The following TENM2 variants were observed in gnomAD, a reference collection of about 807,000 sequenced individuals.
The protein encoded by TENM2 is teneurin transmembrane protein 2.
In TENM2, 52 loss-of-function variants were observed where a neutral mutation model predicts 245.2. The ratio of observed to expected loss-of-function variants is 0.21; its 90% CI spans 0.17 to 0.27. The LOEUF (loss-of-function observed/expected upper bound fraction) is 0.27. TENM2 is among the 10% of genes least tolerant of loss of function. TENM2 has a pLI of 1.00. For synonymous variants in TENM2, 1,363 were observed against 1,438.9 expected (o/e 0.95, Z 1.19); for missense variants, 3,046 against 3,666.8 (o/e 0.83, Z 4.37).
chr5:167,679,243 ATAAATAG>A (rs1170045960), intron 2 of TENM2, among the ~76,000 whole-genome samples: 1 of 152,140 alleles, frequency 6.6e-6, no homozygotes, highest in Non-Finnish European at 1.5e-5. Context: ...CTACCTAGGA[ATAAATAG>A]TACTAATAAC....
chr5:168,126,914 C>G, exon 12 of TENM2: 1 of 1,609,008 alleles, frequency 6.2e-7, no homozygotes, highest in Non-Finnish European at 8.5e-7. Context: ...GCCGAGAGGG[C>G]TGGAATGGTG....
At chr5:167,271,119 G>A in the TENM2 span, among the ~76,000 whole-genome samples, 1 of 152,136 alleles carries the variant, frequency 6.6e-6, no homozygotes, top group Admixed American at 6.6e-5. Flanking sequence ...GGAAGAGGGT[G>A]TTCAATCTTT....
At chr5:167,919,173 C>T (rs1162198536) in intron 3 of TENM2, among the ~76,000 whole-genome samples, 1 of 152,138 alleles carries the variant, frequency 6.6e-6, no homozygotes, top group African/African-American at 2.4e-5. Context: ...CCTAGCTTCT[C>T]CCTGGTATGG....
intron 15 of TENM2, among the ~76,000 whole-genome samples, chr5:168,195,554 G>GTA (rs1422645505): frequency 0.054 from 363 of 6,700 alleles, 4 homozygotes; most frequent in African/African-American, 0.29. Flanking sequence ...CAATGCACGT[G>GTA]TGTGTGTGTG....
chr5:167,456,975 C>A (rs1765962242), intron 2 of TENM2, among the ~76,000 whole-genome samples: 1 of 152,222 alleles, frequency 6.6e-6, no homozygotes, highest in African/African-American at 2.4e-5. Context: ...GAGAATTTCT[C>A]AGTCCACTCT....
intron 25 of TENM2, chr5:168,230,910 C>T (rs1212717047): frequency 3.3e-5 from 5 of 152,330 alleles, no homozygotes; most frequent in Admixed American, 2.0e-4. Context: ...GAGGATAGGC[C>T]ACGGCCAGGT....
chr5:167,552,934 T>TGAATGAAC (rs1186076476), intron 2 of TENM2, among the ~76,000 whole-genome samples: 1 of 151,908 alleles, frequency 6.6e-6, no homozygotes, highest in African/African-American at 2.4e-5. Flanking sequence ...AATGAATGAA[T>TGAATGAAC]GAATGAATGA....
chr5:167,679,676 T>G (rs768507225), intron 2 of TENM2, among the ~76,000 whole-genome samples: 14 of 152,346 alleles, frequency 9.2e-5, no homozygotes, highest in Non-Finnish European at 1.9e-4. Context: ...AAACATGTTA[T>G]TAGAAATTGA....
chr5:167,433,093 T>C (rs1216014042), intron 2 of TENM2, among the ~76,000 whole-genome samples: 8 of 150,902 alleles, frequency 5.3e-5, no homozygotes, highest in Non-Finnish European at 2.9e-5. Context: ...AAAGTATTAA[T>C]TGGATTTTGG....
the TENM2 span, among the ~76,000 whole-genome samples, chr5:167,015,004 C>A: frequency 6.6e-6 from 1 of 152,182 alleles, no homozygotes; most frequent in African/African-American, 2.4e-5. Flanking sequence ...AACCATCATG[C>A]AAACCTGTTC....
At chr5:167,405,769 A>ACACACACACACACACACAC (rs1762599972) in intron 2 of TENM2, among the ~76,000 whole-genome samples, 1 of 145,186 alleles carries the variant, frequency 6.9e-6, no homozygotes. Context: ...CACACACACA[A>ACACACACACACACACACAC]ACACACACAC....
intron 5 of TENM2, among the ~76,000 whole-genome samples, chr5:168,010,879 A>G (rs1202204392): frequency 6.6e-6 from 1 of 152,204 alleles, no homozygotes; most frequent in Non-Finnish European, 1.5e-5. Flanking sequence ...TAAAAAATGG[A>G]ATGAGGCTCC....
In TENM2 at chr5:167,952,585, C is replaced by T; in HGVS notation, c.713-3C>T. 1.3e-6 allele frequency: 2 copies of T among 1,590,658 alleles called. No individual in the cohort carries two copies. Among genetic ancestry groups the T allele is most frequent in the Admixed American group, 1.8e-5 (1 of 54,674 alleles). On this transcript the variant is annotated splice_polypyrimidine_tract_variant and splice_region_variant and intron_variant, in intron 3 of 28. Coordinates refer to ENST00000518659, the Ensembl canonical transcript of TENM2. ...TAACAGTCATTTCTCCTTTTTTTTT[C>T]AGGCCCTCCGAACCACCACAGCCAG... is the stretch of plus-strand genomic sequence containing the variant.
intron 3 of TENM2, among the ~76,000 whole-genome samples, chr5:167,913,488 A>G (rs750126352): frequency 1.3e-5 from 2 of 152,210 alleles, no homozygotes; most frequent in Non-Finnish European, 2.9e-5. Flanking sequence ...AAAAAAAGCA[A>G]CATGTTCCCA....
At chr5:167,365,300 G>T (rs1030248499) in intron 1 of TENM2, among the ~76,000 whole-genome samples, 1 of 151,640 alleles carries the variant, frequency 6.6e-6, no homozygotes, top group African/African-American at 2.4e-5. Flanking sequence ...AAATATTATA[G>T]GTTTGCAAAT....
chr5:167,150,549 A>G, the TENM2 span, among the ~76,000 whole-genome samples: 27 of 152,294 alleles, frequency 1.8e-4, no homozygotes, highest in African/African-American at 5.3e-4. Flanking sequence ...AATAGCTAAC[A>G]CTCACATAGT....
chr5:167,972,997 G>GT (rs1357483049), intron 4 of TENM2, among the ~76,000 whole-genome samples: 1 of 151,988 alleles, frequency 6.6e-6, no homozygotes. Context: ...CCTAACCTTT[G>GT]TTGCCTTTCC....
intron 2 of TENM2, among the ~76,000 whole-genome samples, chr5:167,705,989 ATATTTATTTATT>A (rs1215316587): frequency 1.2e-3 from 78 of 63,948 alleles, no homozygotes; most frequent in Middle Eastern, 8.6e-3. Flanking sequence ...ATATATATAT[ATATTTATTTATT>A]TATTTATTTA....
At chr5:167,675,494 T>A (rs1265928764) in intron 2 of TENM2, among the ~76,000 whole-genome samples, 1 of 152,136 alleles carries the variant, frequency 6.6e-6, no homozygotes, top group Non-Finnish European at 1.5e-5. Context: ...GTTATTGCTA[T>A]GTTCACGTGT....
Sources: allele counts gnomAD v4.1 joint callset (sites outside exome capture counted in the v4.1 genomes callset), GRCh38; gene constraint gnomAD v4.1.1; transcripts MANE v1.5; gene names NCBI Gene and HGNC (gene_info 2026-07-23, HGNC 2026-07-21).